Variants in HECW2 observed in about 807,000 individuals in gnomAD.
HECW2 encodes E3 ubiquitin-protein ligase HECW2.
In HECW2, 61 loss-of-function variants were observed where a neutral mutation model predicts 175.2. The observed-to-expected ratio is 0.35, with a 90% CI of 0.28 to 0.43. The LOEUF is 0.43. Among genes scored for constraint, HECW2 ranks in the 20% least tolerant of loss-of-function variants. The pLI is 1.00. For missense variants in HECW2, 1,524 were observed against 2,000.5 expected (o/e 0.76, Z 4.54); for synonymous variants, 671 against 731.0 (o/e 0.92, Z 1.32).
chr2:196,485,507 T>C (rs1686971728), intron 1 of HECW2, among the ~76,000 whole-genome samples: 1 of 152,148 alleles, frequency 6.6e-6, no homozygotes, highest in African/African-American at 2.4e-5. Context: ...CCTTGTTGTG[T>C]CCTCACAGGT....
chr2:196,441,311 A>T (rs991890725), intron 1 of HECW2, among the ~76,000 whole-genome samples: 1 of 152,092 alleles, frequency 6.6e-6, no homozygotes, highest in Non-Finnish European at 1.5e-5. Context: ...AATAAAACCA[A>T]TAATAATAAA....
intron 18 of HECW2, among the ~76,000 whole-genome samples, chr2:196,254,871 AT>A (rs1197563840): frequency 1.3e-5 from 2 of 152,006 alleles, no homozygotes; most frequent in African/African-American, 4.8e-5. Flanking sequence ...TTTATTGGCT[AT>A]TCATACTTCC....
chr2:196,387,851 C>T (rs1694393703), intron 2 of HECW2, among the ~76,000 whole-genome samples: 1 of 152,114 alleles, frequency 6.6e-6, no homozygotes, highest in African/African-American at 2.4e-5. Flanking sequence ...CATGCTGTGA[C>T]TTTGGGAATA....
chr2:196,324,872 C>G (rs771667178), intron 6 of HECW2, 108 bp downstream of exon 6: 1 of 885,494 alleles, frequency 1.1e-6, no homozygotes, highest in Non-Finnish European at 1.7e-6. Context: ...CCAGCAGAAC[C>G]CCTAGACACT....
At chr2:196,300,688 C>CTATAGCTATACACA (rs1352757484) in intron 13 of HECW2, among the ~76,000 whole-genome samples, 2 of 121,368 alleles carry the variant, frequency 1.6e-5, no homozygotes, top group African/African-American at 6.6e-5. Flanking sequence ...ATATCTATAT[C>CTATAGCTATACACA]TATATCTATA....
At chr2:196,240,962 C>T (rs900920895) in intron 20 of HECW2, among the ~76,000 whole-genome samples, 3 of 151,392 alleles carry the variant, frequency 2.0e-5, no homozygotes, top group African/African-American at 4.9e-5. Context: ...TGCATGTAGA[C>T]AAGGAATTCA....
intron 28 of HECW2, among the ~76,000 whole-genome samples, chr2:196,205,625 A>G (rs1251666854): frequency 6.6e-6 from 1 of 152,206 alleles, no homozygotes; most frequent in Non-Finnish European, 1.5e-5. Context: ...TAATAGAAGA[A>G]GGCAAATACT....
At chr2:196,214,978 G>A (rs1393925655) in intron 28 of HECW2, among the ~76,000 whole-genome samples, 1 of 152,080 alleles carries the variant, frequency 6.6e-6, no homozygotes. Flanking sequence ...ACATCTTGGG[G>A]TACCTAATAT....
intron 1 of HECW2, among the ~76,000 whole-genome samples, chr2:196,476,914 C>G (rs1274775477): frequency 9.0e-6 from 1 of 110,578 alleles, no homozygotes; most frequent in East Asian, 2.5e-4. Context: ...AGTTCAAAAC[C>G]AGACCTGGCA....
At chr2:196,495,670 T>C (rs1382725672) in intron 1 of HECW2, among the ~76,000 whole-genome samples, 1 of 152,174 alleles carries the variant, frequency 6.6e-6, no homozygotes, top group Non-Finnish European at 1.5e-5. Flanking sequence ...TGCCTTTATG[T>C]TAGGACTCTG....
intron 2 of HECW2, among the ~76,000 whole-genome samples, chr2:196,356,405 A>G (rs1693369906): frequency 2.0e-5 from 3 of 152,234 alleles, no homozygotes; most frequent in African/African-American, 7.2e-5. Context: ...TAAATGGAAA[A>G]TTCCAGAAAC....
At chr2:196,397,518 G>A (rs1006999597) in intron 2 of HECW2, among the ~76,000 whole-genome samples, 2 of 152,214 alleles carry the variant, frequency 1.3e-5, no homozygotes, top group African/African-American at 4.8e-5. Flanking sequence ...ATAAAAGTGA[G>A]TTTGGTTTGT....
At chr2:196,530,576 A>C (rs1476298270) in intron 1 of HECW2, among the ~76,000 whole-genome samples, 2 of 152,304 alleles carry the variant, frequency 1.3e-5, no homozygotes, top group East Asian at 1.9e-4. Flanking sequence ...AAATGGTTTC[A>C]TGTCTACCTT....
chr2:196,421,162 G>A (rs1243642700), intron 2 of HECW2, among the ~76,000 whole-genome samples: 3 of 151,770 alleles, frequency 2.0e-5, no homozygotes, highest in Non-Finnish European at 4.4e-5. Context: ...TAAAAATAGG[G>A]GGAAAAAACT....
At chr2:196,549,266 G>A (rs925966940) in intron 1 of HECW2, among the ~76,000 whole-genome samples, 1 of 152,148 alleles carries the variant, frequency 6.6e-6, no homozygotes, top group Non-Finnish European at 1.5e-5. Flanking sequence ...TCAGCAGTCT[G>A]GGACCCCTGT....
At chr2:196,281,453 C>T (rs1017455993) in intron 14 of HECW2, among the ~76,000 whole-genome samples, 1 of 151,830 alleles carries the variant, frequency 6.6e-6, no homozygotes, top group Admixed American at 6.6e-5. Context: ...GCCTGGGCAA[C>T]ATGGCAAAAC....
chr2:196,370,343 C>T (rs540646909), intron 2 of HECW2, among the ~76,000 whole-genome samples: 1 of 152,260 alleles, frequency 6.6e-6, no homozygotes, highest in East Asian at 1.9e-4. Flanking sequence ...GAATGGAAGC[C>T]TCAAGACTCT....
intron 2 of HECW2, among the ~76,000 whole-genome samples, chr2:196,379,412 G>A (rs929569187): frequency 7.9e-5 from 12 of 152,282 alleles, no homozygotes; most frequent in East Asian, 3.9e-4. Context: ...TTGGCTGGGC[G>A]TGGTGGCTCA....
At chr2:196,336,480 C>T (rs1201082661) in intron 3 of HECW2, among the ~76,000 whole-genome samples, 2 of 152,186 alleles carry the variant, frequency 1.3e-5, no homozygotes, top group African/African-American at 2.4e-5. Flanking sequence ...CTACAGGCAG[C>T]ACCTCATAGA....
Sources: gnomAD v4.1 joint callset for allele counts (sites outside exome capture counted in the v4.1 genomes callset) on GRCh38, gnomAD v4.1.1 for gene constraint, MANE v1.5 for transcripts, NCBI Gene and HGNC (gene_info 2026-07-23, HGNC 2026-07-21) for gene names.